The following IPCEF1 variants were observed in gnomAD, a reference collection of about 807,000 sequenced individuals.
IPCEF1 encodes interactor protein for cytohesin exchange factors 1.
IPCEF1 carries 31 observed loss-of-function variants against 50.9 expected under a neutral mutation model. The observed-to-expected ratio is 0.61, with a 90% CI of 0.46 to 0.82. The LOEUF (loss-of-function observed/expected upper bound fraction) is 0.82. Among genes scored for constraint, IPCEF1 ranks in the 40% least tolerant of loss-of-function variants. The pLI is 0.00. For synonymous variants in IPCEF1, 181 were observed against 192.0 expected, an observed-to-expected ratio of 0.94 and a Z score of 0.47; for missense variants, 458 against 514.0, an observed-to-expected ratio of 0.89 and a Z score of 1.05.
At chr6:154,236,926 G>T (rs891518635) in intron 5 of IPCEF1, among the ~76,000 whole-genome samples, 3 of 152,146 alleles carry the variant, frequency 2.0e-5, no homozygotes, top group African/African-American at 7.2e-5. Context: ...CTTTTTTAAA[G>T]ACATCGTTTC....
At chr6:154,197,798 T>C (rs1776735175) in intron 10 of IPCEF1, among the ~76,000 whole-genome samples, 1 of 152,210 alleles carries the variant, frequency 6.6e-6, no homozygotes, top group Non-Finnish European at 1.5e-5. Flanking sequence ...TTCTCTAGTA[T>C]GTTTTTGAAG....
At chr6:154,225,530 C>T (rs1054195777) in intron 5 of IPCEF1, among the ~76,000 whole-genome samples, 1 of 152,140 alleles carries the variant, frequency 6.6e-6, no homozygotes, top group Non-Finnish European at 1.5e-5. Context: ...TATGAAATAT[C>T]CAGAAGTGGA....
At chr6:154,247,297 G>T (rs893592996) in intron 4 of IPCEF1, 152 bp downstream of exon 4, 1 of 610,028 alleles carries the variant, frequency 1.6e-6, no homozygotes, top group South Asian at 2.2e-5. Context: ...TCTTAAAATC[G>T]ATTCAACAAT....
chr6:154,295,551 G>A (rs143062131), intron 1 of IPCEF1, among the ~76,000 whole-genome samples: 1 of 152,048 alleles, frequency 6.6e-6, no homozygotes, highest in Non-Finnish European at 1.5e-5. Flanking sequence ...GCATTGCTTG[G>A]GGAACAGAGA....
At chr6:154,247,255 G>A in intron 4 of IPCEF1, 194 bp downstream of exon 4, 1 of 561,364 alleles carries the variant, frequency 1.8e-6, no homozygotes, top group East Asian at 2.8e-5. Flanking sequence ...ATACCACGAG[G>A]GATTAATCCA....
At chr6:154,273,669 T>C (rs1781954332) in intron 2 of IPCEF1, among the ~76,000 whole-genome samples, 1 of 147,376 alleles carries the variant, frequency 6.8e-6, no homozygotes, top group Non-Finnish European at 1.5e-5. Context: ...AAGGAGAAAG[T>C]AGCTTCATCC....
intron 1 of IPCEF1, among the ~76,000 whole-genome samples, chr6:154,324,777 C>T (rs1389211510): frequency 6.6e-6 from 1 of 152,120 alleles, no homozygotes; most frequent in Non-Finnish European, 1.5e-5. Context: ...TACTGTACTC[C>T]AGCCTGGGTG....
chr6:154,318,327 G>T (rs1018904764), intron 1 of IPCEF1, among the ~76,000 whole-genome samples: 6 of 152,120 alleles, frequency 3.9e-5, no homozygotes, highest in Admixed American at 3.9e-4. Context: ...TTCACTACAT[G>T]AAGACCAAGA....
intron 5 of IPCEF1, among the ~76,000 whole-genome samples, chr6:154,228,251 A>G (rs1431614212): frequency 1.3e-5 from 2 of 151,810 alleles, no homozygotes; most frequent in East Asian, 3.9e-4. Context: ...AGATCACTTG[A>G]GCTCAGGAGT....
rs933318421 is a variant in IPCEF1, at chr6:154,157,826, A to G, written c.*2002T>C. 1.3e-5 allele frequency: 2 copies of G among 152,254 alleles called. No individual in the cohort carries two copies. Among genetic ancestry groups the G allele is most frequent in the African/African-American group, 4.8e-5 (2 of 41,460 alleles). The allele number at this position is 152,254 out of a possible 1,614,324, so 9.4% of individuals were successfully genotyped here. ...CCTTCTGGTATCTGCTAATCACAGA[A>G]AGAATCAGTAATTTCCAGGGGCAAA... On this transcript the variant is annotated 3_prime_UTR_variant, in exon 12 of 12. Coordinates refer to ENST00000367220, the MANE Select transcript of IPCEF1 (RefSeq NM_001130700.2).
chr6:154,214,155 C>T, intron 8 of IPCEF1, 63 bp downstream of exon 8: 1 of 1,048,238 alleles, frequency 9.5e-7, no homozygotes, highest in Non-Finnish European at 1.5e-6. Context: ...ATTGTTTTTT[C>T]ACCCTGTTTC....
At chr6:154,356,467 C>T (rs1781809702) in intron 1 of IPCEF1, among the ~76,000 whole-genome samples, 1 of 152,190 alleles carries the variant, frequency 6.6e-6, no homozygotes, top group African/African-American at 2.4e-5. Flanking sequence ...ACACAACTCT[C>T]TCCTCTTTCA....
chr6:154,275,362 C>G (rs1340972485), intron 2 of IPCEF1, among the ~76,000 whole-genome samples: 1 of 152,198 alleles, frequency 6.6e-6, no homozygotes, highest in Non-Finnish European at 1.5e-5. Context: ...ATGAGGCCCA[C>G]TGCAATCTAC....
intron 2 of IPCEF1, among the ~76,000 whole-genome samples, chr6:154,266,637 T>C (rs1781763855): frequency 6.6e-6 from 1 of 150,826 alleles, no homozygotes; most frequent in Non-Finnish European, 1.5e-5. Context: ...TTCCTCTTTA[T>C]GATAAACAAT....
intron 3 of IPCEF1, among the ~76,000 whole-genome samples, chr6:154,254,692 G>A (rs775807445): frequency 2.0e-5 from 3 of 152,096 alleles, no homozygotes; most frequent in Non-Finnish European, 4.4e-5. Flanking sequence ...TTACAACTTT[G>A]TTAGCATTTC....
intron 1 of IPCEF1, among the ~76,000 whole-genome samples, chr6:154,293,917 C>T (rs909909136): frequency 6.6e-6 from 1 of 152,126 alleles, no homozygotes; most frequent in Non-Finnish European, 1.5e-5. Flanking sequence ...ATGTATCATT[C>T]ATTTTTCCCC....
chr6:154,300,762 C>A (rs1782771245), intron 1 of IPCEF1, among the ~76,000 whole-genome samples: 1 of 152,120 alleles, frequency 6.6e-6, no homozygotes, highest in Non-Finnish European at 1.5e-5. Flanking sequence ...CATTTTATGC[C>A]CCTTAGCAAA....
chr6:154,288,884 C>T (rs1042731224), intron 2 of IPCEF1, among the ~76,000 whole-genome samples: 9 of 151,884 alleles, frequency 5.9e-5, no homozygotes, highest in South Asian at 2.1e-4. Flanking sequence ...GGCAACATAA[C>T]GAGACCCCCT....
chr6:154,221,986 TAAC>T (rs1385306867), intron 6 of IPCEF1, among the ~76,000 whole-genome samples: 1 of 152,238 alleles, frequency 6.6e-6, no homozygotes, highest in Non-Finnish European at 1.5e-5. Flanking sequence ...GTGATAGAAA[TAAC>T]ACTTCAAAAT....
Sources: gnomAD v4.1 joint callset for allele counts (sites outside exome capture counted in the v4.1 genomes callset) on GRCh38, gnomAD v4.1.1 for gene constraint, MANE v1.5 for transcripts, NCBI Gene and HGNC (gene_info 2026-07-23, HGNC 2026-07-21) for gene names.